The following TET1 variants were observed in gnomAD, a reference collection of about 807,000 sequenced individuals.
TET1 encodes the protein methylcytosine dioxygenase TET1.
A neutral mutation model predicts 148.7 loss-of-function variants in TET1; 13 were observed. That is an observed-to-expected ratio of 0.09 (90% CI 0.06 to 0.14). The LOEUF (loss-of-function observed/expected upper bound fraction) is 0.14. Among genes scored for constraint, TET1 ranks in the 10% least tolerant of loss-of-function variants. The pLI is 1.00. For synonymous variants in TET1, 907 were observed against 937.2 expected, an observed-to-expected ratio of 0.97 and a Z score of 0.59; for missense variants, 2,182 against 2,553.8, an observed-to-expected ratio of 0.85 and a Z score of 3.14.
At chr10:68,666,273 G>A (rs893952485) in intron 6 of TET1, among the ~76,000 whole-genome samples, 1 of 151,994 alleles carries the variant, frequency 6.6e-6, no homozygotes, top group Middle Eastern at 3.2e-3. Context: ...AAGTCAAGTA[G>A]ACCACATTAG....
At chr10:68,628,054 G>A (rs2054513267) in intron 3 of TET1, among the ~76,000 whole-genome samples, 1 of 152,148 alleles carries the variant, frequency 6.6e-6, no homozygotes, top group South Asian at 2.1e-4. Context: ...CTGGAGTGCA[G>A]TGGCGTGATC....
chr10:68,605,461 T>C (rs1326044179), intron 3 of TET1, among the ~76,000 whole-genome samples: 1 of 152,202 alleles, frequency 6.6e-6, no homozygotes, highest in East Asian at 1.9e-4. Flanking sequence ...GAAAACATCA[T>C]CTAGGGAAAG....
intron 4 of TET1, among the ~76,000 whole-genome samples, chr10:68,651,429 C>T (rs989701797): frequency 2.6e-5 from 4 of 151,590 alleles, no homozygotes; most frequent in Admixed American, 6.6e-5. Context: ...CCAGCCTGGG[C>T]GACAGAGCAA....
intron 3 of TET1, among the ~76,000 whole-genome samples, chr10:68,602,869 C>T (rs2054075485): frequency 6.6e-6 from 1 of 152,164 alleles, no homozygotes; most frequent in South Asian, 2.1e-4. Context: ...TTCTGTTAGA[C>T]ATAATTTTTT....
intron 3 of TET1, among the ~76,000 whole-genome samples, chr10:68,603,511 G>C (rs1473451465): frequency 7.1e-6 from 1 of 140,968 alleles, no homozygotes; most frequent in Non-Finnish European, 1.6e-5. Context: ...TGACTCATAT[G>C]TGTAATCCCA....
At chr10:68,571,998 T>C (rs2053675539) in intron 1 of TET1, among the ~76,000 whole-genome samples, 1 of 152,106 alleles carries the variant, frequency 6.6e-6, no homozygotes, top group Non-Finnish European at 1.5e-5. Context: ...GAGCCTGCAG[T>C]CCTAGCTACT....
At chr10:68,569,162 G>GTTTTTTTTTTTTTTTTTTTTTTTT (rs1362900985) in intron 1 of TET1, among the ~76,000 whole-genome samples, 1 of 122,330 alleles carries the variant, frequency 8.2e-6, no homozygotes, top group African/African-American at 3.3e-5. Context: ...AGGCAGGAGA[G>GTTTTTTTTTTTTTTTTTTTTTTTT]TTTCTTTTTT....
intron 2 of TET1, among the ~76,000 whole-genome samples, chr10:68,584,196 C>T (rs544350783): frequency 6.3e-4 from 93 of 148,778 alleles, no homozygotes; most frequent in African/African-American, 2.1e-3. Flanking sequence ...CACCCCACCA[C>T]ACCCAGCTAA....
At chr10:68,615,342 G>GTTTCT (rs1163097190) in intron 3 of TET1, among the ~76,000 whole-genome samples, 1 of 132,062 alleles carries the variant, frequency 7.6e-6, no homozygotes, top group East Asian at 2.1e-4. Flanking sequence ...TCAGAATGGT[G>GTTTCT]TTTCTTTTCT....
At chr10:68,666,082 T>C (rs375815523) in intron 6 of TET1, among the ~76,000 whole-genome samples, 3 of 152,040 alleles carry the variant, frequency 2.0e-5, no homozygotes, top group Non-Finnish European at 4.4e-5. Context: ...CAGTTTTAAA[T>C]GGTTGGATGG....
At chr10:68,618,439 C>T (rs2054326617) in intron 3 of TET1, among the ~76,000 whole-genome samples, 2 of 152,300 alleles carry the variant, frequency 1.3e-5, no homozygotes, top group African/African-American at 2.4e-5. Context: ...CTCTTATCTT[C>T]CACAGAGCTT....
intron 1 of TET1, among the ~76,000 whole-genome samples, chr10:68,561,175 GGCTA>G (rs2053548431): frequency 6.6e-6 from 1 of 152,146 alleles, no homozygotes; most frequent in Non-Finnish European, 1.5e-5. Flanking sequence ...GGTGAGGAGA[GGCTA>G]GAGTCTGTGC....
At chr10:68,674,448 G>A (rs1484186070) in intron 8 of TET1, 2 of 381,632 alleles carry the variant, frequency 5.2e-6, no homozygotes, top group Non-Finnish European at 1.0e-5. Context: ...AAGAAATATT[G>A]GGAAGACACT....
At chr10:68,599,829 G>T (rs1313392847) in intron 2 of TET1, among the ~76,000 whole-genome samples, 1 of 152,154 alleles carries the variant, frequency 6.6e-6, no homozygotes. Flanking sequence ...ATTTTATTTG[G>T]AAATGAAGGT....
chr10:68,610,697 A>G (rs1589073981), intron 3 of TET1, among the ~76,000 whole-genome samples: 1 of 152,230 alleles, frequency 6.6e-6, no homozygotes, highest in East Asian at 1.9e-4. Context: ...TTCCTCGGTC[A>G]CCCAGGCTAG....
In TET1 at chr10:68,645,961, G is replaced by T; in HGVS notation, c.3232G>T (p.Ala1078Ser). The change falls in exon 4 of 12, where the codon GCA becomes TCA. Residue 1078 changes from alanine (A) to serine (S), a missense_variant. Ala to Ser is a moderately conservative substitution (Grantham distance 99, BLOSUM62 1). Transcript: ENST00000373644. ...CCATACCCAAATTGAGGAAGATGTT[G>T]CAACACAGTTGACACAACTTGCTTC... ...ATHTQIEEDV[A>S]TQLTQLASII... 1 of 1,613,990 alleles carries T rather than the reference G, an allele frequency of 6.2e-7. No individual in the cohort carries two copies. The highest frequency in any genetic ancestry group is 8.5e-7 in the Non-Finnish European group (1 of 1,180,014).
At chr10:68,611,396 G>A (rs1279322823) in intron 3 of TET1, among the ~76,000 whole-genome samples, 1 of 152,012 alleles carries the variant, frequency 6.6e-6, no homozygotes, top group African/African-American at 2.4e-5. Flanking sequence ...AGGATTGCTT[G>A]AACTATGGAG....
intron 1 of TET1, among the ~76,000 whole-genome samples, chr10:68,569,492 A>G (rs1164966001): frequency 6.6e-6 from 1 of 151,980 alleles, no homozygotes; most frequent in Non-Finnish European, 1.5e-5. Flanking sequence ...ACCTTATATG[A>G]GCCTCTTCTT....
intron 7 of TET1, among the ~76,000 whole-genome samples, chr10:68,671,399 A>G (rs1289827801): frequency 6.6e-6 from 1 of 152,200 alleles, no homozygotes; most frequent in African/African-American, 2.4e-5. Context: ...CTGTGGCTGC[A>G]TACTATTCTG....
Sources: allele counts gnomAD v4.1 joint callset (sites outside exome capture counted in the v4.1 genomes callset), GRCh38; gene constraint gnomAD v4.1.1; transcripts MANE v1.5; gene names NCBI Gene and HGNC (gene_info 2026-07-23, HGNC 2026-07-21).